MECOM: variants seen among roughly 807,000 people sequenced by gnomAD.
MECOM encodes MDS1 and EVI1 complex locus, also known as histone-lysine N-methyltransferase MECOM.
In MECOM, 13 loss-of-function variants were observed where a neutral mutation model predicts 116.3. The observed-to-expected ratio is 0.11, with a 90% CI of 0.07 to 0.18. The LOEUF (loss-of-function observed/expected upper bound fraction) is 0.18. Among genes scored for constraint, MECOM ranks in the 10% least tolerant of loss-of-function variants. The pLI is 1.00. For synonymous variants in MECOM, 528 were observed against 535.2 expected, an observed-to-expected ratio of 0.99 and a Z score of 0.19; for missense variants, 1,299 against 1,509.0, an observed-to-expected ratio of 0.86 and a Z score of 2.31.
chr3:169,381,257 A>C lies in MECOM; in HGVS notation c.305T>G (p.Val102Gly), dbSNP rs2108276975. 6.2e-7 allele frequency: 1 copy of C among 1,613,776 alleles called. No individual in the cohort carries two copies. Among genetic ancestry groups the C allele is most frequent in the South Asian group, 1.1e-5 (1 of 91,072 alleles). Residue 102 changes from valine to glycine, a missense_variant, in exon 2 of 17, where the codon GTA (valine) becomes GGA (glycine). Val to Gly is a moderately radical substitution (Grantham distance 109, BLOSUM62 -3). This residue lies in a region of MECOM where 374 missense variants were observed against 433.4 expected (regional missense o/e 0.86). Transcript: ENST00000651503. ...CACATAAGGCCCAAACTTTTCACCT[A>C]CTTCGATCTTCCTTTTGGTCCATAT... ...LGIWTKRKIE[V>G]GEKFGPYVGE...
rs565657509 is a variant in MECOM at position 169,218,919 on chromosome 3, C to G, written c.376-75087G>C. Among the ~76,000 whole-genome samples the G allele has an allele frequency of 2.0e-5, 3 of 150,016 alleles. No homozygotes were observed. The East Asian group carries it at 6.0e-4, about 30-fold the overall frequency. On this transcript the variant is annotated intron_variant, in intron 2 of 16. Coordinates refer to ENST00000651503, the MANE Select transcript of MECOM (RefSeq NM_004991.4). ...CAGAGAACTTTCTCTTTCTCCCCCT[C>G]CTTCTACACCACACACCTACCCCTA...
At chr3:169,485,995 G>GTGTGTA (rs1390709684) in intron 1 of MECOM, among the ~76,000 whole-genome samples, 5 of 65,078 alleles carry the variant, frequency 7.7e-5, no homozygotes, top group African/African-American at 2.0e-4. Flanking sequence ...GTATATATAT[G>GTGTGTA]TATATATATA....
At chr3:169,424,863 C>G (rs2108522573) in intron 1 of MECOM, among the ~76,000 whole-genome samples, 1 of 152,152 alleles carries the variant, frequency 6.6e-6, no homozygotes. Context: ...ATGCTTTAAC[C>G]AGTTTCTGCA....
intron 1 of MECOM, among the ~76,000 whole-genome samples, chr3:169,417,670 G>A (rs1354228051): frequency 1.3e-5 from 2 of 151,438 alleles, no homozygotes; most frequent in African/African-American, 4.9e-5. Context: ...TATGTTTATT[G>A]CGGCACTATT....
At chr3:169,484,117 A>G in intron 1 of MECOM, 2 of 814,380 alleles carry the variant, frequency 2.5e-6, no homozygotes, top group Middle Eastern at 3.4e-4. Flanking sequence ...CAATTTCTCT[A>G]GTAAACAAAA....
intron 2 of MECOM, among the ~76,000 whole-genome samples, chr3:169,152,985 T>C (rs933318721): frequency 5.9e-5 from 9 of 152,166 alleles, no homozygotes; most frequent in South Asian, 2.1e-4. Flanking sequence ...GTGAATAAAT[T>C]ATTATACTCA....
At chr3:169,414,867 A>T (rs962558887) in intron 1 of MECOM, among the ~76,000 whole-genome samples, 17 of 152,224 alleles carry the variant, frequency 1.1e-4, no homozygotes, top group Admixed American at 1.1e-3. Context: ...AAAGCCTCCA[A>T]GAAATATGGG....
chr3:169,659,853 T>G (rs527289491), intron 1 of MECOM, among the ~76,000 whole-genome samples: 3 of 152,226 alleles, frequency 2.0e-5, no homozygotes, highest in East Asian at 3.9e-4. Flanking sequence ...GGTCGGCATC[T>G]ACCTTTCCTA....
At chr3:169,541,153 G>T (rs944283381) in intron 1 of MECOM, among the ~76,000 whole-genome samples, 4 of 152,150 alleles carry the variant, frequency 2.6e-5, no homozygotes, top group South Asian at 2.1e-4. Flanking sequence ...CCTGATTTGG[G>T]GTGAGACCTG....
chr3:169,643,977 A>T (rs1773819505), intron 1 of MECOM, among the ~76,000 whole-genome samples: 1 of 152,168 alleles, frequency 6.6e-6, no homozygotes, highest in East Asian at 1.9e-4. Context: ...GCATTCTCTT[A>T]CCAGTTTCAC....
At chr3:169,348,501 G>A (rs532139250) in intron 2 of MECOM, among the ~76,000 whole-genome samples, 88 of 152,016 alleles carry the variant, frequency 5.8e-4, no homozygotes, top group Admixed American at 1.6e-3. Flanking sequence ...CCTGATTTGA[G>A]GATGAGTAGA....
chr3:169,254,525 TAACA>T (rs1353759142), intron 2 of MECOM, among the ~76,000 whole-genome samples: 2 of 152,162 alleles, frequency 1.3e-5, no homozygotes, highest in Admixed American at 6.5e-5. Context: ...TTTACTATCT[TAACA>T]AACCATTTTC....
At chr3:169,457,085 C>T (rs1009131335) in intron 1 of MECOM, among the ~76,000 whole-genome samples, 2 of 152,138 alleles carry the variant, frequency 1.3e-5, no homozygotes, top group Non-Finnish European at 2.9e-5. Flanking sequence ...CCAACCTCAT[C>T]GTTCTCCAGC....
At chr3:169,641,271 A>C (rs1773455211) in intron 1 of MECOM, among the ~76,000 whole-genome samples, 2 of 152,236 alleles carry the variant, frequency 1.3e-5, no homozygotes, top group African/African-American at 4.8e-5. Context: ...GTAGGAAAGC[A>C]CTTGGAGTTA....
intron 1 of MECOM, among the ~76,000 whole-genome samples, chr3:169,394,148 T>C (rs1351967413): frequency 6.6e-6 from 1 of 152,212 alleles, no homozygotes; most frequent in Non-Finnish European, 1.5e-5. Context: ...TTCAAGTTTT[T>C]AATACTCATC....
chr3:169,146,740 C>G, intron 2 of MECOM: 1 of 1,200,464 alleles, frequency 8.3e-7, no homozygotes, highest in East Asian at 5.7e-5. Flanking sequence ...TTTCTATGGC[C>G]TCAACTCAGC....
chr3:169,125,370 A>C (rs1266495011), intron 5 of MECOM, among the ~76,000 whole-genome samples: 1 of 152,124 alleles, frequency 6.6e-6, no homozygotes, highest in African/African-American at 2.4e-5. Context: ...CCATACAGGC[A>C]AGCCATTTTA....
intron 1 of MECOM, among the ~76,000 whole-genome samples, chr3:169,498,048 C>T (rs1754050697): frequency 6.6e-6 from 1 of 152,176 alleles, no homozygotes; most frequent in South Asian, 2.1e-4. Context: ...TGAATATGCG[C>T]TTTATTTCTG....
At chr3:169,304,858 C>G (rs1717381507) in intron 2 of MECOM, among the ~76,000 whole-genome samples, 2 of 152,044 alleles carry the variant, frequency 1.3e-5, no homozygotes, top group Non-Finnish European at 1.5e-5. Flanking sequence ...TTAGATATCT[C>G]TCTTTCCACT....
Sources: gnomAD v4.1 joint callset for allele counts (sites outside exome capture counted in the v4.1 genomes callset) on GRCh38, gnomAD v4.1.1 for gene constraint, gnomAD v4.1.1 regional missense constraint, MANE v1.5 for transcripts, NCBI Gene and HGNC (gene_info 2026-07-23, HGNC 2026-07-21) for gene names.